Variants in CCND2 observed in about 807,000 individuals in gnomAD.
CCND2 encodes G1/S-specific cyclin-D2.
In CCND2, 6 loss-of-function variants were observed where a neutral mutation model predicts 30.2. The observed-to-expected ratio is 0.20, with a 90% CI of 0.11 to 0.39. The LOEUF (loss-of-function observed/expected upper bound fraction) is 0.39. Among genes scored for constraint, CCND2 ranks in the 10% least tolerant of loss-of-function variants. The pLI is 1.00. For missense variants in CCND2, 235 were observed against 373.4 expected (o/e 0.63, Z 3.06); for synonymous variants, 150 against 153.1 (o/e 0.98, Z 0.15).
intron 3 of CCND2, among the ~76,000 whole-genome samples, chr12:4,280,949 AC>A (rs1357400766): frequency 1.3e-5 from 2 of 152,166 alleles, no homozygotes; most frequent in African/African-American, 4.8e-5. Flanking sequence ...CCCATCCCCC[AC>A]CCGTGGCCTT....
chr12:4,304,163 A>C lies in CCND2; in HGVS notation c.*4154A>C, dbSNP rs1158281402. 2 of 233,380 alleles carry C rather than the reference A, an allele frequency of 8.6e-6. No individual in the cohort carries two copies. Among genetic ancestry groups the C allele is most frequent in the Non-Finnish European group, 1.7e-5 (2 of 118,012 alleles). 14.5% of individuals were successfully genotyped at this position (233,380 alleles called of 1,614,324 possible). A position where few individuals can be genotyped will look rare whatever the true frequency, so the allele number is the denominator to read the frequency against. On this transcript the variant is annotated 3_prime_UTR_variant, in exon 5 of 5. Transcript: ENST00000261254. The surrounding 1 kb of genome is among the most constrained non-coding windows in gnomAD (Gnocchi z 6.2). ...AGGGGACAGGGCTGGGAGAAGAAATAGACTTGCACCTTATGTCATGTAAAT... is the reference window on the plus strand; with the variant it reads ...AGGGGACAGGGCTGGGAGAAGAAATCGACTTGCACCTTATGTCATGTAAAT...
At position 4,303,868 on chromosome 12, in the gene CCND2, C is replaced by G. The variant is rs1178299178; in HGVS notation, c.*3859C>G. Reference sequence around the variant, plus strand: ...GTCTATGTGCTCTGTACTGGAGGCTCTGTTCTGCCTCTTATCAGCCAGGTC... The same window carrying G: ...GTCTATGTGCTCTGTACTGGAGGCTGTGTTCTGCCTCTTATCAGCCAGGTC... On this transcript the variant is annotated 3_prime_UTR_variant, in exon 5 of 5. Coordinates refer to ENST00000261254, the MANE Select transcript of CCND2 (RefSeq NM_001759.4). This position sits in a 1 kb window ranked among gnomAD's most constrained non-coding sequence, Gnocchi z 4.6. 8.6e-6 allele frequency: 2 copies of G among 233,258 alleles called. No homozygotes were observed. Among genetic ancestry groups the G allele is most frequent in the Non-Finnish European group, 1.7e-5 (2 of 118,110 alleles). 14.4% of individuals were successfully genotyped at this position (233,258 alleles called of 1,614,324 possible). A position where few individuals can be genotyped will look rare whatever the true frequency, so the allele number is the denominator to read the frequency against.
chr12:4,289,362 G>A (rs2099459218), intron 4 of CCND2, among the ~76,000 whole-genome samples: 2 of 152,082 alleles, frequency 1.3e-5, no homozygotes, highest in Admixed American at 1.3e-4. Context: ...TTCACACGCT[G>A]AGGCTGTAAG....
intron 2 of CCND2, among the ~76,000 whole-genome samples, chr12:4,277,513 AT>A (rs1275745288): frequency 6.6e-6 from 1 of 152,246 alleles, no homozygotes; most frequent in Non-Finnish European, 1.5e-5. Flanking sequence ...CATATGGTTC[AT>A]TTGTTTCGAG....
rs1478409520 is a variant in CCND2 at position 4,303,602 on chromosome 12, A to AG, written c.*3598dup. On this transcript the variant is annotated 3_prime_UTR_variant, in exon 5 of 5. Coordinates refer to ENST00000261254, the MANE Select transcript of CCND2 (RefSeq NM_001759.4). This position sits in a 1 kb window ranked among gnomAD's most constrained non-coding sequence, Gnocchi z 4.6. ...CCTTCCCCTCTTTTGGCCAAATCCT[A>AG]GGGGGAAGAAATCCTAGTATGCCAA... is the stretch of plus-strand genomic sequence containing the variant. 4.3e-6 allele frequency: 1 copy of AG among 233,458 alleles called. No homozygotes were observed. The highest frequency in any genetic ancestry group is 8.5e-6 in the Non-Finnish European group (1 of 118,018). The allele number at this position is 233,458 out of a possible 1,614,324, so 14.5% of individuals were successfully genotyped here.
chr12:4,278,981 G>C (rs1052530991), intron 3 of CCND2, 62 bp downstream of exon 3: 3 of 1,523,702 alleles, frequency 2.0e-6, no homozygotes, highest in South Asian at 2.3e-5. Flanking sequence ...TGTCCGGGGA[G>C]AGGCAAAAGG....
At chr12:4,286,053 A>G (rs945189872) in intron 3 of CCND2, among the ~76,000 whole-genome samples, 1 of 152,320 alleles carries the variant, frequency 6.6e-6, no homozygotes, top group East Asian at 1.9e-4. Flanking sequence ...CCTGCTTACT[A>G]TCTTTAAACT....
Position 4,299,787 on chromosome 12 carries a change from G to A in CCND2, c.721-73G>A, listed in dbSNP as rs372048788. 2.4e-5 allele frequency: 34 copies of A among 1,390,564 alleles called. No individual in the cohort carries two copies. The African/African-American group carries it at 2.7e-4, about 11-fold the overall frequency. 86.1% of individuals were successfully genotyped at this position (1,390,564 alleles called of 1,614,324 possible). On this transcript the variant is annotated intron_variant, in intron 4 of 4. Transcript: ENST00000261254. This position sits in a 1 kb window ranked among gnomAD's most constrained non-coding sequence, Gnocchi z 5.2. Reference sequence around the variant, plus strand: ...CACAGACTTATGCAAGCTAAATTACGCATGTTTTCTCCGTAGGATGCTCTA... The same window carrying A: ...CACAGACTTATGCAAGCTAAATTACACATGTTTTCTCCGTAGGATGCTCTA...
intron 4 of CCND2, among the ~76,000 whole-genome samples, chr12:4,295,237 G>T (rs992699259): frequency 1.3e-5 from 2 of 152,216 alleles, no homozygotes; most frequent in African/African-American, 4.8e-5. Flanking sequence ...ACAGGCTTTT[G>T]CCCTTTTAGT....
Position 4,303,127 on chromosome 12 carries a change from G to T in CCND2, c.*3118G>T, listed in dbSNP as rs1273896893. The T allele has an allele frequency of 4.3e-6, 1 of 233,194 alleles. No individual in the cohort carries two copies. The highest frequency in any genetic ancestry group is 8.5e-6 in the Non-Finnish European group (1 of 118,020). 14.4% of individuals were successfully genotyped at this position (233,194 alleles called of 1,614,324 possible). A position where few individuals can be genotyped will look rare whatever the true frequency, so the allele number is the denominator to read the frequency against. On this transcript the variant is annotated 3_prime_UTR_variant, in exon 5 of 5. Transcript: ENST00000261254. The surrounding 1 kb of genome is among the most constrained non-coding windows in gnomAD (Gnocchi z 4.6). ...ACCGGACAAATAAGGAAGGGCACAAGCCTACCCGACTCTATTTACAGTCTG... is the reference window on the plus strand; with the variant it reads ...ACCGGACAAATAAGGAAGGGCACAATCCTACCCGACTCTATTTACAGTCTG...
chr12:4,299,716 A>T lies in CCND2; in HGVS notation c.721-144A>T. ...GAGTAGTGAGGTTCCTTGGCACTTT[A>T]AGAACATCCCTCCTTTACTTCACAT... On this transcript the variant is annotated intron_variant, in intron 4 of 4. Transcript: ENST00000261254. This position sits in a 1 kb window ranked among gnomAD's most constrained non-coding sequence, Gnocchi z 5.2. 1.2e-6 allele frequency: 1 copy of T among 810,566 alleles called. No individual in the cohort carries two copies. Among genetic ancestry groups the T allele is most frequent in the Non-Finnish European group, 1.9e-6 (1 of 529,520 alleles). 50.2% of individuals were successfully genotyped at this position (810,566 alleles called of 1,614,324 possible).
In CCND2 at chr12:4,282,451, A is replaced by C. The variant is rs3217826; in HGVS notation, c.571+3532A>C. On this transcript the variant is annotated intron_variant, in intron 3 of 4. Transcript: ENST00000261254. The surrounding 1 kb of genome is among the most constrained non-coding windows in gnomAD (Gnocchi z 4.3). ...AGGTGTTCCCTCAGATTCCATCGCCAAGTGAGAGGGAGACAGTGGTGGCCC... is the reference window on the plus strand; with the variant it reads ...AGGTGTTCCCTCAGATTCCATCGCCCAGTGAGAGGGAGACAGTGGTGGCCC... 7.1e-3 allele frequency among the ~76,000 whole-genome samples: 1,084 copies of C among 152,272 alleles called. 15 individuals are homozygous for C. The highest frequency in any genetic ancestry group is 0.025 in the African/African-American group (1,039 of 41,564).
chr12:4,284,235 T>G (rs1354951987), intron 3 of CCND2, among the ~76,000 whole-genome samples: 1 of 152,230 alleles, frequency 6.6e-6, no homozygotes, highest in African/African-American at 2.4e-5. Flanking sequence ...CAAGGATTAT[T>G]TTAAGTGAAT....
chr12:4,295,524 C>G (rs1163147033), intron 4 of CCND2, among the ~76,000 whole-genome samples: 3 of 152,182 alleles, frequency 2.0e-5, no homozygotes, highest in Non-Finnish European at 4.4e-5. Flanking sequence ...TGTCTGTAAT[C>G]CTAGCACTTT....
At position 4,290,890 on chromosome 12, in the gene CCND2, C is replaced by T. The variant is rs141530827; in HGVS notation, c.720+1900C>T. Among the ~76,000 whole-genome samples the T allele has an allele frequency of 1.3e-3, 197 of 152,264 alleles. 1 individual carries two copies. The highest frequency in any genetic ancestry group is 1.8e-3 in the Non-Finnish European group (122 of 68,024). On this transcript the variant is annotated intron_variant, in intron 4 of 4. Coordinates refer to ENST00000261254, the MANE Select transcript of CCND2 (RefSeq NM_001759.4). The stretch of plus-strand genomic sequence containing the variant: ...CTGTTAAATGGATATGAAGTGGGTA[C>T]GAAGCTGGTTTAGGGGTGTCCTCCT...
rs559186192 is a variant in CCND2 at position 4,292,979 on chromosome 12, T to C, written c.720+3989T>C. 7.9e-5 allele frequency among the ~76,000 whole-genome samples: 12 copies of C among 152,294 alleles called. No homozygotes were observed. In the East Asian group the frequency reaches 2.3e-3, roughly 29 times the overall value. On this transcript the variant is annotated intron_variant, in intron 4 of 4. Transcript: ENST00000261254. ...ATAAGGCCCAGCTTTTCCTCAGCTC[T>C]TTATCCAGAGCCCCTGGCAGAGTCA...
chr12:4,283,940 T>C (rs1355471020), intron 3 of CCND2, among the ~76,000 whole-genome samples: 1 of 152,230 alleles, frequency 6.6e-6, no homozygotes, highest in African/African-American at 2.4e-5. Flanking sequence ...GACTCGATGA[T>C]GTCATTTCTG....
chr12:4,293,335 T>TCA lies in CCND2; in HGVS notation c.720+4346_720+4347dup, dbSNP rs1864124811. 2.0e-5 allele frequency among the ~76,000 whole-genome samples: 3 copies of TCA among 152,246 alleles called. No individual in the cohort carries two copies. Among genetic ancestry groups the TCA allele is most frequent in the Non-Finnish European group, 4.4e-5 (3 of 68,040 alleles). On this transcript the variant is annotated intron_variant, in intron 4 of 4. Transcript: ENST00000261254. This position sits in a 1 kb window ranked among gnomAD's most constrained non-coding sequence, Gnocchi z 4.9. ...ATACTTAACAGAAGAAAGACTCTAGTCATCTGTTCCTTATATTTATCCTTT... is the reference window on the plus strand; with the variant it reads ...ATACTTAACAGAAGAAAGACTCTAGTCACATCTGTTCCTTATATTTATCCTTT...
rs992838203 is a variant in CCND2, at chr12:4,300,422, G to A, written c.*413G>A. 4.6e-5 allele frequency: 11 copies of A among 238,256 alleles called. No individual in the cohort carries two copies. Among genetic ancestry groups the A allele is most frequent in the Middle Eastern group, 1.2e-3 (1 of 806 alleles). The allele number at this position is 238,256 out of a possible 1,614,324, so 14.8% of individuals were successfully genotyped here. On this transcript the variant is annotated 3_prime_UTR_variant, in exon 5 of 5. Coordinates refer to ENST00000261254, the MANE Select transcript of CCND2 (RefSeq NM_001759.4). ...AGTATAATTTCAAGGAACTGTGTAC[G>A]CCATTTATGGCATGATTAGATTGCA... is the stretch of plus-strand genomic sequence containing the variant.
Sources: allele counts gnomAD v4.1 joint callset (sites outside exome capture counted in the v4.1 genomes callset), GRCh38; gene constraint gnomAD v4.1.1; non-coding constraint Gnocchi (gnomAD v3.1); transcripts MANE v1.5; gene names NCBI Gene and HGNC (gene_info 2026-07-23, HGNC 2026-07-21).